NTRK3: variants seen among roughly 807,000 people sequenced by gnomAD.
NTRK3 encodes neurotrophic receptor tyrosine kinase 3.
In NTRK3, 24 loss-of-function variants were observed where a neutral mutation model predicts 91.7. That is an observed-to-expected ratio of 0.26 (90% CI 0.19 to 0.37). The LOEUF (loss-of-function observed/expected upper bound fraction) is 0.37. Ranked by LOEUF, NTRK3 falls within the 10% of genes least tolerant of loss-of-function variation. The pLI, the probability that NTRK3 is intolerant of heterozygous loss-of-function variation, is 1.00. For synonymous variants in NTRK3, 483 were observed against 404.0 expected, an observed-to-expected ratio of 1.20 and a Z score of -2.34; for missense variants, 880 against 1,068.9, an observed-to-expected ratio of 0.82 and a Z score of 2.46.
At chr15:88,037,122 A>G (rs2079143773) in intron 13 of NTRK3, among the ~76,000 whole-genome samples, 1 of 152,232 alleles carries the variant, frequency 6.6e-6, no homozygotes, top group South Asian at 2.1e-4. Context: ...ATCACCCAGG[A>G]AGACCTGAGA....
intron 5 of NTRK3, among the ~76,000 whole-genome samples, chr15:88,151,024 CCT>C (rs1431154533): frequency 6.6e-6 from 1 of 152,106 alleles, no homozygotes; most frequent in Admixed American, 6.5e-5. Flanking sequence ...GAACACCCTG[CCT>C]CTGAGCCCCA....
intron 14 of NTRK3, among the ~76,000 whole-genome samples, chr15:88,029,263 T>C (rs1269218359): frequency 1.3e-5 from 2 of 152,174 alleles, no homozygotes; most frequent in Admixed American, 6.5e-5. Flanking sequence ...ATAAAGACAA[T>C]GTCAAATGCA....
chr15:88,140,606 T>A (rs1010307465), intron 6 of NTRK3, among the ~76,000 whole-genome samples: 1 of 152,212 alleles, frequency 6.6e-6, no homozygotes, highest in South Asian at 2.1e-4. Context: ...CTGAGAAAGA[T>A]GTAAAACTCC....
chr15:88,090,765 T>C lies in NTRK3; in HGVS notation c.1396+35506A>G, dbSNP rs552119938. 2.6e-5 allele frequency among the ~76,000 whole-genome samples: 4 copies of C among 152,228 alleles called. No individual in the cohort carries two copies. The South Asian group carries it at 8.3e-4, about 32-fold the overall frequency. ...CCCTGACCCACTCTTAATCTCACCA[T>C]ATCCTTCTGCCCAGGGGCCGAACCC... On this transcript the variant is annotated intron_variant, in intron 13 of 18. Coordinates refer to ENST00000394480, the Ensembl canonical transcript of NTRK3.
At chr15:87,872,847 GC>G (rs2064858651) in exon 19 of NTRK3, 1 of 232,516 alleles carries the variant, frequency 4.3e-6, no homozygotes, top group South Asian at 1.8e-4. Flanking sequence ...CCAGAACCTA[GC>G]TTTAAAAAAA....
intron 9 of NTRK3, among the ~76,000 whole-genome samples, 154 bp from the exon 10 acceptor site, chr15:88,135,551 G>T (rs149166412): frequency 2.6e-5 from 4 of 152,190 alleles, no homozygotes; most frequent in African/African-American, 9.7e-5. Flanking sequence ...CAGCAGAGGG[G>T]AAGAGATGTC....
At chr15:88,256,424 G>C (rs1207642449) in exon 2 of NTRK3, 1 of 546,756 alleles carries the variant, frequency 1.8e-6, no homozygotes. Context: ...TGGCCGGCTC[G>C]GCGATCGCTG....
At chr15:88,161,833 C>A (rs2044482440) in intron 5 of NTRK3, among the ~76,000 whole-genome samples, 1 of 152,136 alleles carries the variant, frequency 6.6e-6, no homozygotes. Flanking sequence ...CAGAGGTCGG[C>A]CTTTTGGTGG....
chr15:87,956,601 G>A (rs2071688219), intron 14 of NTRK3, among the ~76,000 whole-genome samples: 1 of 149,920 alleles, frequency 6.7e-6, no homozygotes, highest in Admixed American at 6.8e-5. Context: ...ATGGAGTCTT[G>A]CTGTGCTGCC....
At chr15:88,002,168 G>GT (rs770668339) in intron 14 of NTRK3, among the ~76,000 whole-genome samples, 1,909 of 70,178 alleles carry the variant, frequency 0.027, 162 homozygotes, top group African/African-American at 0.069. Context: ...GATAGTGGTT[G>GT]TTTTTTTTTT....
intron 15 of NTRK3, among the ~76,000 whole-genome samples, chr15:87,938,962 G>C (rs1168242370): frequency 6.6e-6 from 1 of 152,126 alleles, no homozygotes; most frequent in Admixed American, 6.5e-5. Flanking sequence ...TTATTTTCTA[G>C]AGCAGAGGTC....
intron 3 of NTRK3, among the ~76,000 whole-genome samples, chr15:88,210,348 T>C (rs1354941115): frequency 6.6e-6 from 1 of 152,188 alleles, no homozygotes; most frequent in Admixed American, 6.5e-5. Context: ...CTGATCTATC[T>C]TCCTCGCGGA....
chr15:88,219,909 A>G (rs2050097493), intron 3 of NTRK3, among the ~76,000 whole-genome samples: 1 of 152,202 alleles, frequency 6.6e-6, no homozygotes, highest in African/African-American at 2.4e-5. Flanking sequence ...CCAAGGTCAC[A>G]CAGCTCTCAC....
chr15:87,884,351 T>G (rs958019573), intron 17 of NTRK3, among the ~76,000 whole-genome samples: 2 of 151,606 alleles, frequency 1.3e-5, no homozygotes, highest in African/African-American at 4.8e-5. Context: ...ATCTATACAT[T>G]AAAAAACTAG....
rs926889813 is a variant in NTRK3, at chr15:88,241,298, G to C, written c.248+14608C>G. Among the ~76,000 whole-genome samples, 3 of 152,180 alleles carry C rather than the reference G, an allele frequency of 2.0e-5. No individual in the cohort carries two copies. The highest frequency in any genetic ancestry group is 4.4e-5 in the Non-Finnish European group (3 of 68,030). ...AGGTCAGAGCATGCCTGCCCAGACA[G>C]CAGGCAACAGCAGTCCTGAGTGAGT... On this transcript the variant is annotated intron_variant, in intron 3 of 18. Coordinates refer to ENST00000394480, the Ensembl canonical transcript of NTRK3. This position sits in a 1 kb window ranked among gnomAD's most constrained non-coding sequence, Gnocchi z 4.3.
intron 17 of NTRK3, among the ~76,000 whole-genome samples, chr15:87,919,440 T>C (rs1222661021): frequency 2.0e-5 from 3 of 152,178 alleles, no homozygotes; most frequent in Non-Finnish European, 2.9e-5. Flanking sequence ...CGTCATCTTC[T>C]CTCCAGATTG....
rs756735279 is a variant in NTRK3, at chr15:88,135,401, T to A, written c.908-4A>T. 27 of 1,612,928 alleles carry A rather than the reference T, an allele frequency of 1.7e-5. No homozygotes were observed. Among genetic ancestry groups the A allele is most frequent in the Non-Finnish European group, 2.0e-5 (24 of 1,179,914 alleles). On this transcript the variant is annotated splice_polypyrimidine_tract_variant and splice_region_variant and intron_variant, in intron 9 of 18. Coordinates refer to ENST00000394480, the Ensembl canonical transcript of NTRK3. ...AGGCTCACCACACGTGGGGGATCTG[T>A]CAAGGGAGAAGCCTGCTGAAATCCA...
chr15:87,961,349 A>G (rs1334962325), intron 14 of NTRK3, among the ~76,000 whole-genome samples: 1 of 152,230 alleles, frequency 6.6e-6, no homozygotes, highest in African/African-American at 2.4e-5. Context: ...TTAAAAGAAG[A>G]ACATATGCCA....
At chr15:87,951,785 A>G (rs2071128182) in intron 14 of NTRK3, among the ~76,000 whole-genome samples, 2 of 152,188 alleles carry the variant, frequency 1.3e-5, no homozygotes, top group Non-Finnish European at 2.9e-5. Context: ...ACGGAAATGT[A>G]GAAACTAGAA....
Sources: gnomAD v4.1 joint callset for allele counts (sites outside exome capture counted in the v4.1 genomes callset) on GRCh38, gnomAD v4.1.1 for gene constraint, Gnocchi (gnomAD v3.1) non-coding constraint, MANE v1.5 for transcripts, NCBI Gene and HGNC (gene_info 2026-07-23, HGNC 2026-07-21) for gene names.